The following DNAAF4 variants were observed in gnomAD, a reference collection of about 807,000 sequenced individuals.
DNAAF4 encodes the protein dynein assembly factor 4, axonemal.
Under a neutral mutation model 51.8 loss-of-function variants are expected in DNAAF4, and 43 were observed. The ratio of observed to expected loss-of-function variants is 0.83; its 90% CI spans 0.65 to 1.07. The LOEUF (loss-of-function observed/expected upper bound fraction) is 1.07. Among genes scored for constraint, DNAAF4 ranks in the 50% least tolerant of loss-of-function variants. The pLI, the probability that DNAAF4 is intolerant of heterozygous loss-of-function variation, is 0.00. For missense variants in DNAAF4, 581 were observed against 493.0 expected, an observed-to-expected ratio of 1.18 and a Z score of -1.69; for synonymous variants, 194 against 165.6, an observed-to-expected ratio of 1.17 and a Z score of -1.32.
At chr15:55,487,605 G>T (rs184280779) in intron 4 of DNAAF4, among the ~76,000 whole-genome samples, 1 of 152,034 alleles carries the variant, frequency 6.6e-6, no homozygotes, top group Non-Finnish European at 1.5e-5. Flanking sequence ...AACAGTCACC[G>T]TGAGGGTCTG....
At chr15:55,425,858 C>T (rs2057426498), downstream of DNAAF4, among the ~76,000 whole-genome samples, 1 of 152,164 alleles carries the variant, frequency 6.6e-6, no homozygotes, top group South Asian at 2.1e-4. Flanking sequence ...ACCTCTTGCG[C>T]TAGTGTAACT....
chr15:55,448,352 G>A (rs1406121919), intron 6 of DNAAF4, among the ~76,000 whole-genome samples: 2 of 151,850 alleles, frequency 1.3e-5, no homozygotes, highest in Non-Finnish European at 2.9e-5. Context: ...TGTTCATCCA[G>A]GATATTGATC....
chr15:55,467,886 A>AG (rs1472194801), intron 4 of DNAAF4, among the ~76,000 whole-genome samples: 2 of 151,752 alleles, frequency 1.3e-5, no homozygotes, highest in Non-Finnish European at 2.9e-5. Flanking sequence ...CACATGGGCA[A>AG]GAAAAAAAAC....
At chr15:55,449,298 T>A (rs2057894405) in intron 6 of DNAAF4, among the ~76,000 whole-genome samples, 1 of 151,712 alleles carries the variant, frequency 6.6e-6, no homozygotes, top group Admixed American at 6.6e-5. Flanking sequence ...CTTGTCATTA[T>A]GTCTTAAGGA....
intron 4 of DNAAF4, among the ~76,000 whole-genome samples, chr15:55,469,597 C>T (rs1174433842): frequency 6.9e-6 from 1 of 145,598 alleles, no homozygotes; most frequent in African/African-American, 2.5e-5. Flanking sequence ...ATTCTCCTGC[C>T]TCAGCCTCCC....
rs148779593 is a variant in DNAAF4, at chr15:55,476,320, G to T, written c.406-9159C>A. Among the ~76,000 whole-genome samples, 712 of 152,150 alleles carry T rather than the reference G, an allele frequency of 4.7e-3. 9 individuals are homozygous for T. Among genetic ancestry groups the T allele is most frequent in the African/African-American group, 0.016 (680 of 41,520 alleles). On this transcript the variant is annotated intron_variant, in intron 4 of 9. Coordinates refer to ENST00000321149, the MANE Select transcript of DNAAF4 (RefSeq NM_130810.4). ...CCATCTTTACTAGATAGGCATGGTG[G>T]CATGTGCGTGTAGTCCCAGCTACTC...
At chr15:55,448,592 G>A (rs980565139) in intron 6 of DNAAF4, among the ~76,000 whole-genome samples, 7 of 150,574 alleles carry the variant, frequency 4.6e-5, no homozygotes, top group African/African-American at 7.3e-5. Flanking sequence ...TCTATGGGCC[G>A]GGCGCAGTGG....
chr15:55,485,381 A>G (rs2058472950), intron 4 of DNAAF4, among the ~76,000 whole-genome samples: 1 of 152,222 alleles, frequency 6.6e-6, no homozygotes, highest in Non-Finnish European at 1.5e-5. Flanking sequence ...TACATTAGTT[A>G]TACATGCCCA....
At chr15:55,440,359 T>C (rs1290213254) in intron 6 of DNAAF4, among the ~76,000 whole-genome samples, 2 of 151,262 alleles carry the variant, frequency 1.3e-5, no homozygotes, top group Non-Finnish European at 2.9e-5. Context: ...CCAATGATGG[T>C]GATTTTAATC....
rs2057913937 is a variant in DNAAF4, at chr15:55,450,340, T to C, written c.665A>G (p.Glu222Gly). The stretch of plus-strand genomic sequence containing the variant: ...AGGAATACTGTCTTCCTTTAACTTC[T>C]CAGTAAATATATTTTCTGAATTTCT... ...KGRNSENIFTEKLKEDSIPAP... is the reference protein window; with the variant it reads ...KGRNSENIFTGKLKEDSIPAP... The change falls in exon 6 of 10, where the codon GAG becomes GGG. Residue 222 changes from glutamate to glycine, a missense_variant. Glu to Gly is a moderately conservative substitution (Grantham distance 98). Transcript: ENST00000321149. 3 of 1,611,798 alleles carry C rather than the reference T, an allele frequency of 1.9e-6. No individual in the cohort carries two copies. The South Asian group carries it at 3.3e-5, about 18-fold the overall frequency.
chr15:55,434,844 T>G, intron 8 of DNAAF4, 61 bp downstream of exon 8: 2 of 1,306,590 alleles, frequency 1.5e-6, no homozygotes, highest in East Asian at 5.4e-5. Context: ...AGATCATCAT[T>G]TAAACCAATT....
At position 55,492,214 on chromosome 15, in the gene DNAAF4, C is replaced by T. The variant is rs78705590; in HGVS notation, c.272-958G>A. Among the ~76,000 whole-genome samples the T allele has an allele frequency of 1.0e-3, 156 of 150,656 alleles. 2 individuals carry two copies. Among genetic ancestry groups the T allele is most frequent in the Admixed American group, 1.8e-3 (27 of 15,110 alleles). On this transcript the variant is annotated intron_variant, in intron 3 of 9. Coordinates refer to ENST00000321149, the MANE Select transcript of DNAAF4 (RefSeq NM_130810.4). Reference sequence around the variant, plus strand: ...AGTTTCACAAACTGAAGACTACGATCAATGGGTAAATTATCTTACAAAGGG... The same window carrying T: ...AGTTTCACAAACTGAAGACTACGATTAATGGGTAAATTATCTTACAAAGGG...
chr15:55,432,783 T>TA lies in DNAAF4; in HGVS notation c.1048-182dup, dbSNP rs34919072. 0.11 allele frequency among the ~76,000 whole-genome samples: 16,513 copies of TA among 149,484 alleles called. 1,313 individuals carry two copies. Among genetic ancestry groups the TA allele is most frequent in the African/African-American group, 0.22 (8,849 of 40,668 alleles). ...CAACATGGCGAAACCCCGTCTCTAC[T>TA]AAAAAAAAATACAAAAATTATCTGG... is the stretch of plus-strand genomic sequence containing the variant. On this transcript the variant is annotated intron_variant, in intron 8 of 9. Coordinates refer to ENST00000321149, the MANE Select transcript of DNAAF4 (RefSeq NM_130810.4).
chr15:55,456,898 G>T (rs1379512012), intron 5 of DNAAF4, among the ~76,000 whole-genome samples: 1 of 152,224 alleles, frequency 6.6e-6, no homozygotes, highest in East Asian at 1.9e-4. Flanking sequence ...GCCATTCCTG[G>T]CGTGATCTCA....
intron 6 of DNAAF4, 125 bp downstream of exon 6, chr15:55,450,097 C>T (rs942786549): frequency 2.9e-5 from 32 of 1,113,852 alleles, no homozygotes; most frequent in African/African-American, 6.3e-5. Flanking sequence ...AAAACATATT[C>T]ATGACGTTAT....
chr15:55,430,828 ACTT>A (rs1353515319), intron 9 of DNAAF4, 49 bp from the exon 10 acceptor site: 2 of 1,404,108 alleles, frequency 1.4e-6, no homozygotes, highest in Non-Finnish European at 2.0e-6. Flanking sequence ...TTTTATTAGC[ACTT>A]CTTTTATCTA....
At chr15:55,504,809 A>G (rs1018156505) in intron 1 of DNAAF4, among the ~76,000 whole-genome samples, 7 of 152,234 alleles carry the variant, frequency 4.6e-5, no homozygotes. Flanking sequence ...ACCTAAAACC[A>G]TAAAAACCCT....
intron 4 of DNAAF4, among the ~76,000 whole-genome samples, chr15:55,476,563 TACAA>T (rs1220004773): frequency 1.3e-5 from 2 of 152,018 alleles, no homozygotes; most frequent in Non-Finnish European, 2.9e-5. Context: ...TAAAAGACAA[TACAA>T]ACAGATTTTT....
chr15:55,501,313 C>A (rs969674510), intron 1 of DNAAF4, among the ~76,000 whole-genome samples: 16 of 150,880 alleles, frequency 1.1e-4, no homozygotes, highest in African/African-American at 3.7e-4. Context: ...CCGCCCACCT[C>A]GGCCTCCCAA....
Sources: allele counts gnomAD v4.1 joint callset (sites outside exome capture counted in the v4.1 genomes callset), GRCh38; gene constraint gnomAD v4.1.1; transcripts MANE v1.5; gene names NCBI Gene and HGNC (gene_info 2026-07-23, HGNC 2026-07-21).